KCNN2: variants seen among roughly 807,000 people sequenced by gnomAD.
KCNN2 encodes potassium calcium-activated channel subfamily N member 2.
In KCNN2, 24 loss-of-function variants were observed where a neutral mutation model predicts 55.5. The observed-to-expected ratio is 0.43, with a 90% CI of 0.31 to 0.61. The LOEUF (loss-of-function observed/expected upper bound fraction) is 0.61, where lower values mean the gene tolerates loss of function less well. Among genes scored for constraint, KCNN2 ranks in the 20% least tolerant of loss-of-function variants. The pLI, the probability that KCNN2 is intolerant of heterozygous loss-of-function variation, is 0.08. For synonymous variants in KCNN2, 431 were observed against 336.1 expected, an observed-to-expected ratio of 1.28 and a Z score of -3.09; for missense variants, 754 against 853.6, an observed-to-expected ratio of 0.88 and a Z score of 1.45.
At position 114,402,474 on chromosome 5, in the gene KCNN2, A is replaced by T. The variant is rs576892208; in HGVS notation, c.1219-1964A>T. ...GACTTTGTAGACTCTACTGAGAGAA[A>T]AGAGGCACAGGAACTAGACTATAGG... On this transcript the variant is annotated intron_variant, in intron 2 of 7. Transcript: ENST00000673685. 1.1e-3 allele frequency among the ~76,000 whole-genome samples: 169 copies of T among 152,324 alleles called. 1 individual carries two copies. The highest frequency in any genetic ancestry group is 3.9e-3 in the African/African-American group (163 of 41,580).
intron 1 of KCNN2, among the ~76,000 whole-genome samples, chr5:114,157,420 G>C (rs1446063021): frequency 3.3e-5 from 5 of 152,010 alleles, no homozygotes; most frequent in African/African-American, 1.2e-4. Context: ...GGACATTTGG[G>C]TTGGTTCCAA....
chr5:114,260,681 G>T (rs1007117324), intron 2 of KCNN2, among the ~76,000 whole-genome samples: 1 of 152,134 alleles, frequency 6.6e-6, no homozygotes, highest in Non-Finnish European at 1.5e-5. Flanking sequence ...ACTCTGTTTT[G>T]GTTCCTTTAG....
chr5:114,407,796 A>AT (rs1183906078), intron 3 of KCNN2, among the ~76,000 whole-genome samples: 3 of 152,208 alleles, frequency 2.0e-5, no homozygotes, highest in African/African-American at 7.2e-5. Context: ...AACAGTTACT[A>AT]TGCAAGCATT....
At position 114,362,274 on chromosome 5, in the gene KCNN2, G is replaced by A. The variant is rs896320213; in HGVS notation, c.135G>A (p.Pro45=). ...CGTGCCCGCCCTTCGCGCCCCTCCC[G>A]CACCCTCACCACCACCCGCACCTCG... The part of the protein sequence containing the change: ...DKPCPPFAPL[P]HPHHHPHLAH... Residue 45 remains proline, a synonymous_variant, in exon 1 of 8, where the codon CCG becomes CCA. Transcript: ENST00000673685. 6.2e-5 allele frequency: 11 copies of A among 177,594 alleles called. No homozygotes were observed. Among genetic ancestry groups the A allele is most frequent in the Middle Eastern group, 2.6e-3 (1 of 382 alleles). 11.0% of individuals were successfully genotyped at this position (177,594 alleles called of 1,614,324 possible). A position where few individuals can be genotyped will look rare whatever the true frequency, so the allele number is the denominator to read the frequency against.
At chr5:114,207,186 G>A (rs1042764267) in intron 1 of KCNN2, among the ~76,000 whole-genome samples, 2 of 152,104 alleles carry the variant, frequency 1.3e-5, no homozygotes, top group Admixed American at 6.6e-5. Flanking sequence ...ACACTGGACC[G>A]TCAAACACCC....
chr5:114,069,246 C>A lies in KCNN2; in HGVS notation c.-271+12746C>A, dbSNP rs771364067. Among the ~76,000 whole-genome samples the A allele has an allele frequency of 1.1e-4, 16 of 152,180 alleles. 1 individual carries two copies. Among genetic ancestry groups the A allele is most frequent in the African/African-American group, 3.6e-4 (15 of 41,450 alleles). ...GGGGAAGCGTTTGCCAGCTCACTTA[C>A]TTACTCCTTATGTTTGCTCTCCTTC... On this transcript the variant is annotated intron_variant, in intron 1 of 10. Transcript: ENST00000512097.
rs70976336 is a variant in KCNN2 at position 114,312,386 on chromosome 5, T to TAC, written c.-184-48511_-184-48510dup. The stretch of plus-strand genomic sequence containing the variant: ...TCATCCTGTGAAATAAAAAAGGAGA[T>TAC]ACACACACACACACACACACACACA... On this transcript the variant is annotated intron_variant, in intron 2 of 10. Transcript: ENST00000512097. Among the ~76,000 whole-genome samples, 433 of 51,446 alleles carry TAC rather than the reference T, an allele frequency of 8.4e-3. 6 individuals are homozygous for TAC. The highest frequency in any genetic ancestry group is 0.014 in the South Asian group (10 of 716). The allele number at this position is 51,446 out of a possible 152,430, so 33.8% of individuals were successfully genotyped here.
At chr5:114,443,854 T>C (rs1422787482) in intron 3 of KCNN2, among the ~76,000 whole-genome samples, 4 of 152,212 alleles carry the variant, frequency 2.6e-5, no homozygotes, top group Non-Finnish European at 5.9e-5. Context: ...TCTTCTCTGC[T>C]CCTAATTTGT....
chr5:114,222,029 A>C (rs1754149249), intron 2 of KCNN2, among the ~76,000 whole-genome samples: 1 of 152,208 alleles, frequency 6.6e-6, no homozygotes, highest in East Asian at 1.9e-4. Flanking sequence ...AAACAAGTTA[A>C]AGTGCATGGC....
intron 2 of KCNN2, chr5:114,253,764 T>G (rs759181311): frequency 2.6e-5 from 4 of 152,232 alleles, no homozygotes; most frequent in Non-Finnish European, 5.9e-5. Context: ...TCTCTTCTCA[T>G]TGTATTTGTT....
At chr5:114,408,025 C>T (rs1205221064) in intron 3 of KCNN2, among the ~76,000 whole-genome samples, 1 of 152,122 alleles carries the variant, frequency 6.6e-6, no homozygotes, top group Non-Finnish European at 1.5e-5. Context: ...CCTTTCGAAA[C>T]TCTATGGTTA....
chr5:114,071,008 A>G (rs1309119641), intron 1 of KCNN2, among the ~76,000 whole-genome samples: 1 of 152,214 alleles, frequency 6.6e-6, no homozygotes, highest in African/African-American at 2.4e-5. Flanking sequence ...CTTCATGCAA[A>G]GCATGATTTT....
intron 1 of KCNN2, among the ~76,000 whole-genome samples, chr5:114,085,963 T>A (rs1397234269): frequency 6.6e-6 from 1 of 152,118 alleles, no homozygotes; most frequent in Non-Finnish European, 1.5e-5. Flanking sequence ...ATGGACTCTT[T>A]TTTCAGCATA....
chr5:114,269,383 T>G (rs1484340229), intron 2 of KCNN2, among the ~76,000 whole-genome samples: 1 of 152,204 alleles, frequency 6.6e-6, no homozygotes, highest in Non-Finnish European at 1.5e-5. Context: ...AGCAGCCTGA[T>G]GCATGGCCTT....
chr5:114,364,918 C>T (rs1389540269), intron 2 of KCNN2, among the ~76,000 whole-genome samples: 2 of 151,080 alleles, frequency 1.3e-5, no homozygotes, highest in East Asian at 1.9e-4. Flanking sequence ...CTTTTTTGAG[C>T]AGTTGTTAGA....
intron 2 of KCNN2, among the ~76,000 whole-genome samples, chr5:114,386,470 A>C (rs183820857): frequency 4.3e-4 from 66 of 152,280 alleles, no homozygotes; most frequent in African/African-American, 1.5e-3. Context: ...CACTTCCCCA[A>C]AATTTGTTAT....
At chr5:114,445,067 CAT>C (rs566305707) in intron 3 of KCNN2, among the ~76,000 whole-genome samples, 2 of 152,076 alleles carry the variant, frequency 1.3e-5, no homozygotes, top group African/African-American at 2.4e-5. Flanking sequence ...AGTAACATAA[CAT>C]ATGTGCTTGC....
intron 1 of KCNN2, among the ~76,000 whole-genome samples, chr5:114,182,701 T>G (rs6594789): frequency 2.0e-5 from 3 of 151,920 alleles, no homozygotes; most frequent in Non-Finnish European, 4.4e-5. Context: ...ACAATACAAC[T>G]TATTTTTATA....
intron 2 of KCNN2, among the ~76,000 whole-genome samples, chr5:114,318,552 A>G (rs1379625278): frequency 6.6e-6 from 1 of 151,630 alleles, no homozygotes. Context: ...TACACTTATC[A>G]TAACAATGAT....
Sources: allele counts gnomAD v4.1 joint callset (sites outside exome capture counted in the v4.1 genomes callset), GRCh38; gene constraint gnomAD v4.1.1; transcripts MANE v1.5; gene names NCBI Gene and HGNC (gene_info 2026-07-23, HGNC 2026-07-21).